Variants in DDX19B observed in about 807,000 individuals in gnomAD.
The protein encoded by DDX19B is ATP-dependent RNA helicase DDX19B.
DDX19B carries 27 observed loss-of-function variants against 58.1 expected under a neutral mutation model. The ratio of observed to expected loss-of-function variants is 0.46; its 90% CI spans 0.34 to 0.64. The LOEUF (loss-of-function observed/expected upper bound fraction) is 0.64. Ranked by LOEUF, DDX19B falls within the 30% of genes least tolerant of loss-of-function variation. DDX19B has a pLI of 0.01. For synonymous variants in DDX19B, 187 were observed against 214.4 expected (o/e 0.87, Z 1.12); for missense variants, 399 against 596.5 (o/e 0.67, Z 3.45).
intron 5 of DDX19B, among the ~76,000 whole-genome samples, chr16:70,320,353 C>T (rs1429768116): frequency 6.6e-6 from 1 of 151,386 alleles, no homozygotes; most frequent in African/African-American, 2.4e-5. Context: ...AGCAATCCTC[C>T]CACCTTGGCC....
chr16:70,333,793 A>G lies in DDX19B; in HGVS notation c.*211A>G, dbSNP rs1243825736. 2 of 687,446 alleles carry G rather than the reference A, an allele frequency of 2.9e-6. No homozygotes were observed. Among genetic ancestry groups the G allele is most frequent in the Non-Finnish European group, 2.5e-6 (1 of 403,246 alleles). The allele number at this position is 687,446 out of a possible 1,614,324, so 42.6% of individuals were successfully genotyped here. ...AAAATTATTTACACAACCTTGGAAG[A>G]TTAGGCATGAATACACAGAGATTTA... On this transcript the variant is annotated 3_prime_UTR_variant, in exon 12 of 12. Coordinates refer to ENST00000288071, the MANE Select transcript of DDX19B (RefSeq NM_007242.7).
At chr16:70,298,424 C>T (rs998224047), upstream of DDX19B, among the ~76,000 whole-genome samples, 1 of 151,698 alleles carries the variant, frequency 6.6e-6, no homozygotes, top group Non-Finnish European at 1.5e-5. Flanking sequence ...AACAAAAACC[C>T]AAGTGCTGAG....
At chr16:70,309,817 CAAAAAAAAA>C (rs61033553) in intron 1 of DDX19B, among the ~76,000 whole-genome samples, 2 of 42,638 alleles carry the variant, frequency 4.7e-5, no homozygotes, top group African/African-American at 1.3e-4. Context: ...GACTCCGTCT[CAAAAAAAAA>C]AAAAAAAAAA....
upstream of DDX19B, chr16:70,290,077 G>A (rs1287506685): frequency 3.5e-6 from 1 of 285,006 alleles, no homozygotes; most frequent in Non-Finnish European, 7.1e-6. Flanking sequence ...TTATAGGCCT[G>A]GGGGAGGAGG....
intron 1 of DDX19B, among the ~76,000 whole-genome samples, chr16:70,305,713 A>C (rs2152188021): frequency 6.6e-6 from 1 of 152,034 alleles, no homozygotes; most frequent in East Asian, 1.9e-4. Context: ...ATGTGTTTCA[A>C]GTAGTTCTGA....
At chr16:70,326,787 C>CG (rs1367635756) in intron 7 of DDX19B, among the ~76,000 whole-genome samples, 1 of 151,928 alleles carries the variant, frequency 6.6e-6, no homozygotes, top group Non-Finnish European at 1.5e-5. Context: ...CCATCTGCCT[C>CG]GGCCTCCCAA....
chr16:70,315,791 T>A (rs886193425), intron 3 of DDX19B, 178 bp from the exon 4 acceptor site: 11 of 830,198 alleles, frequency 1.3e-5, no homozygotes, highest in African/African-American at 5.1e-5. Context: ...ATGGGTGATG[T>A]ATCATAACTT....
chr16:70,314,955 G>A lies in DDX19B; in HGVS notation c.160G>A (p.Glu54Lys). ...NAEKTDEEEK[E>K]DRAAQSLLNK... ...AGAGAAGACAGATGAAGAAGAGAAA[G>A]GTAACACAGCCGTGGAGCTTTATAT... The change falls in exon 3 of 12, where the codon GAG becomes AAG. Residue 54 changes from glutamate to lysine, a missense_variant and splice_region_variant. Coordinates refer to ENST00000288071, the MANE Select transcript of DDX19B (RefSeq NM_007242.7). 1.2e-6 allele frequency: 2 copies of A among 1,608,506 alleles called. No individual in the cohort carries two copies. Among genetic ancestry groups the A allele is most frequent in the East Asian group, 2.2e-5 (1 of 44,656 alleles).
chr16:70,319,889 C>CA (rs1453099591), intron 5 of DDX19B, among the ~76,000 whole-genome samples: 3 of 151,838 alleles, frequency 2.0e-5, no homozygotes, highest in African/African-American at 7.3e-5. Flanking sequence ...GACCCTGTCT[C>CA]AAAAAATCAT....
intron 1 of DDX19B, among the ~76,000 whole-genome samples, chr16:70,301,921 ATTTTT>A (rs772503910): frequency 7.7e-6 from 1 of 130,280 alleles, no homozygotes; most frequent in African/African-American, 2.8e-5. Flanking sequence ...TGGCCCTTTA[ATTTTT>A]TTTTTTTTTT....
At chr16:70,331,976 G>A in intron 10 of DDX19B, 92 bp downstream of exon 10, 1 of 1,523,932 alleles carries the variant, frequency 6.6e-7, no homozygotes, top group South Asian at 1.3e-5. Flanking sequence ...GAAGTCGGAT[G>A]GTCTCAGGGA....
rs530315150 is a variant in DDX19B at position 70,334,701 on chromosome 16, C to G, written c.*1119C>G. On this transcript the variant is annotated 3_prime_UTR_variant, in exon 12 of 12. Coordinates refer to ENST00000288071, the MANE Select transcript of DDX19B (RefSeq NM_007242.7). ...GACTAGCTACACTACCACCATTTAT[C>G]TGTCCAAGGCAAGAGTATCACCAAG... 6.6e-6 allele frequency: 1 copy of G among 152,346 alleles called. No individual in the cohort carries two copies. Among genetic ancestry groups the G allele is most frequent in the South Asian group, 2.1e-4 (1 of 4,828 alleles). 9.4% of individuals were successfully genotyped at this position (152,346 alleles called of 1,614,324 possible). A position where few individuals can be genotyped will look rare whatever the true frequency, so the allele number is the denominator to read the frequency against.
intron 5 of DDX19B, among the ~76,000 whole-genome samples, chr16:70,319,298 C>G (rs1012176735): frequency 1.3e-5 from 2 of 152,046 alleles, no homozygotes; most frequent in Admixed American, 6.6e-5. Flanking sequence ...CTGAATAATA[C>G]AGTTACTAAG....
chr16:70,306,542 G>A (rs1175590011), intron 1 of DDX19B, among the ~76,000 whole-genome samples: 1 of 152,090 alleles, frequency 6.6e-6, no homozygotes, highest in East Asian at 1.9e-4. Context: ...TTTCTTTTTG[G>A]CTTGAGTTTG....
chr16:70,331,140 G>C (rs1963460620), intron 9 of DDX19B, among the ~76,000 whole-genome samples: 1 of 152,158 alleles, frequency 6.6e-6, no homozygotes, highest in Non-Finnish European at 1.5e-5. Context: ...ACAGTGGCAT[G>C]GTCATAGCTC....
chr16:70,299,142 C>A, upstream of DDX19B: 3 of 1,363,496 alleles, frequency 2.2e-6, no homozygotes, highest in Non-Finnish European at 2.8e-6. Context: ...GGTGGCCAAA[C>A]AGGAGTGGCC....
chr16:70,325,075 C>A (rs1435580260), intron 6 of DDX19B, among the ~76,000 whole-genome samples: 1 of 152,072 alleles, frequency 6.6e-6, no homozygotes, highest in Non-Finnish European at 1.5e-5. Flanking sequence ...AAAAGCCAAG[C>A]TATGCATTAC....
upstream of DDX19B, among the ~76,000 whole-genome samples, chr16:70,291,988 A>T (rs2152176899): frequency 6.6e-6 from 1 of 152,056 alleles, no homozygotes; most frequent in South Asian, 2.1e-4. Flanking sequence ...TTAAAAAAAA[A>T]AAATTCTTTT....
upstream of DDX19B, among the ~76,000 whole-genome samples, chr16:70,290,525 CA>C (rs111776118): frequency 0.022 from 3,233 of 145,648 alleles, 109 homozygotes; most frequent in African/African-American, 0.074. Flanking sequence ...GACTCCGTCT[CA>C]AAAAAAAAAA....
Sources: allele counts gnomAD v4.1 joint callset (sites outside exome capture counted in the v4.1 genomes callset), GRCh38; gene constraint gnomAD v4.1.1; transcripts MANE v1.5; gene names NCBI Gene and HGNC (gene_info 2026-07-23, HGNC 2026-07-21).